Variants in LRRFIP2 observed in about 807,000 individuals in gnomAD.
The protein encoded by LRRFIP2 is leucine-rich repeat flightless-interacting protein 2.
In LRRFIP2, 109 loss-of-function variants were observed where a neutral mutation model predicts 125.9. The observed-to-expected ratio is 0.87, with a 90% CI of 0.74 to 1.01. The LOEUF is 1.01. LRRFIP2 is among the 50% of genes least tolerant of loss of function. The probability of loss-of-function intolerance (pLI) is 0.00; values close to 1 mark genes in which losing one functional copy is unlikely to be tolerated. For missense variants in LRRFIP2, 850 were observed against 862.3 expected (o/e 0.99, Z 0.18); for synonymous variants, 291 against 293.1 (o/e 0.99, Z 0.07).
At chr3:37,137,540 A>G (rs6775008) in intron 2 of LRRFIP2, among the ~76,000 whole-genome samples, 56,747 of 151,996 alleles carry the variant, frequency 0.37, 11,416 homozygotes, top group Non-Finnish European at 0.45. Context: ...TCTATGAAAT[A>G]ATACTATTCT....
rs1015585593 is a variant in LRRFIP2 at position 37,066,290 on chromosome 3, A to G, written c.1500T>C (p.Leu500=). Residue 500 remains leucine, a synonymous_variant, in exon 22 of 28, where the codon CTT becomes CTC. Coordinates refer to ENST00000336686, the MANE Select transcript of LRRFIP2 (RefSeq NM_006309.4). The stretch of plus-strand genomic sequence containing the variant: ...CTCTGAGCATATCTCGCTCATTCCT[A>G]AGGCAGGCAATGTATTCTTTCTGTT... ...LEKQKEYIAC[L]RNERDMLREE... is the part of the protein sequence containing the mutation. 10 of 1,614,160 alleles carry G rather than the reference A, an allele frequency of 6.2e-6. No homozygotes were observed. Among genetic ancestry groups the G allele is most frequent in the Non-Finnish European group, 8.5e-6 (10 of 1,179,984 alleles).
chr3:37,166,005 G>A (rs1467700086), intron 1 of LRRFIP2, among the ~76,000 whole-genome samples: 1 of 152,080 alleles, frequency 6.6e-6, no homozygotes, highest in Non-Finnish European at 1.5e-5. Context: ...ACCAAAAGCA[G>A]AAGCAACAAA....
At chr3:37,155,317 A>G (rs1386676504) in intron 1 of LRRFIP2, among the ~76,000 whole-genome samples, 2 of 152,268 alleles carry the variant, frequency 1.3e-5, no homozygotes, top group Non-Finnish European at 2.9e-5. Context: ...TTGACAAAAA[A>G]AAAGCAATCC....
intron 15 of LRRFIP2, among the ~76,000 whole-genome samples, chr3:37,097,923 A>G (rs918663271): frequency 3.9e-5 from 6 of 152,216 alleles, no homozygotes; most frequent in East Asian, 3.9e-4. Flanking sequence ...CTAAATGAAA[A>G]TAACTCCAAC....
chr3:37,070,138 G>T (rs2090919860), intron 21 of LRRFIP2, among the ~76,000 whole-genome samples: 1 of 142,948 alleles, frequency 7.0e-6, no homozygotes, highest in Non-Finnish European at 1.5e-5. Context: ...TTTTGAAACA[G>T]GGTTTTGGTC....
At chr3:37,156,671 A>C (rs1476118097) in intron 1 of LRRFIP2, among the ~76,000 whole-genome samples, 1 of 99,870 alleles carries the variant, frequency 1.0e-5, no homozygotes, top group East Asian at 2.7e-4. Flanking sequence ...GAGACTCAGT[A>C]TCAAAAAAAA....
chr3:37,087,587 T>G (rs2093140073), intron 18 of LRRFIP2, among the ~76,000 whole-genome samples: 1 of 151,904 alleles, frequency 6.6e-6, no homozygotes, highest in Admixed American at 6.6e-5. Flanking sequence ...TTTACTTAAA[T>G]GCTTCTTTTT....
chr3:37,168,329 G>A (rs1362889162), intron 1 of LRRFIP2, among the ~76,000 whole-genome samples: 1 of 152,108 alleles, frequency 6.6e-6, no homozygotes, highest in Non-Finnish European at 1.5e-5. Context: ...ACATACGAAG[G>A]AATATTTTTC....
chr3:37,108,633 T>A lies in LRRFIP2; in HGVS notation c.657+4A>T. 1.2e-6 allele frequency: 2 copies of A among 1,606,756 alleles called. No individual in the cohort carries two copies. Among genetic ancestry groups the A allele is most frequent in the Non-Finnish European group, 1.7e-6 (2 of 1,174,010 alleles). ...CTTCACCACCTTCCCCTATTTAGAC[T>A]TACAGTTCGAGGACCATAAGGGTTA... On this transcript the variant is annotated splice_donor_region_variant and intron_variant, in intron 12 of 27. Transcript: ENST00000336686.
chr3:37,163,618 G>A (rs2096402095), intron 1 of LRRFIP2, among the ~76,000 whole-genome samples: 1 of 152,212 alleles, frequency 6.6e-6, no homozygotes, highest in African/African-American at 2.4e-5. Context: ...GCAAAGATGT[G>A]AGTGAGAAAT....
chr3:37,130,936 TGAA>T (rs2095412149), intron 2 of LRRFIP2, among the ~76,000 whole-genome samples: 1 of 152,202 alleles, frequency 6.6e-6, no homozygotes. Context: ...CATGAAATTG[TGAA>T]GAAGGAAAAA....
rs375594357 is a variant in LRRFIP2 at position 37,102,965 on chromosome 3, C to T, written c.832G>A (p.Val278Ile). The part of the protein sequence containing the change: ...FSRSNRRGSV[V>I]SEVDDISIPD... ...ATACTGATATCATCCACCTCAGAGA[C>T]AACACTTCCCCTACGATTGGAGCGA... Residue 278 changes from valine (V) to isoleucine (I), a missense_variant, in exon 15 of 28, where the codon GTC becomes ATC. By Grantham distance (29) the Val-to-Ile change is conservative. Transcript: ENST00000336686. 1 of 1,566,116 alleles carries T rather than the reference C, an allele frequency of 6.4e-7. No individual in the cohort carries two copies. The highest frequency in any genetic ancestry group is 1.2e-5 in the South Asian group (1 of 85,146).
At chr3:37,153,912 T>A (rs2096104673) in intron 1 of LRRFIP2, among the ~76,000 whole-genome samples, 1 of 151,312 alleles carries the variant, frequency 6.6e-6, no homozygotes. Context: ...GATAACCTAG[T>A]ACTTTTAAAA....
At chr3:37,088,215 T>C (rs1305162543) in intron 18 of LRRFIP2, among the ~76,000 whole-genome samples, 1 of 152,194 alleles carries the variant, frequency 6.6e-6, no homozygotes, top group Non-Finnish European at 1.5e-5. Context: ...ATACCTTCAT[T>C]GTTTTATTCT....
chr3:37,080,985 T>C (rs2092593111), intron 19 of LRRFIP2, among the ~76,000 whole-genome samples: 2 of 152,136 alleles, frequency 1.3e-5, no homozygotes, highest in Admixed American at 1.3e-4. Flanking sequence ...TGATTATGCT[T>C]TAAAAGAGAA....
chr3:37,119,909 G>C (rs528660778), intron 6 of LRRFIP2, among the ~76,000 whole-genome samples: 1 of 151,978 alleles, frequency 6.6e-6, no homozygotes, highest in Non-Finnish European at 1.5e-5. Context: ...TGATCTGCTC[G>C]CCTCAGTGTC....
At chr3:37,156,108 C>T (rs1446963018) in intron 1 of LRRFIP2, among the ~76,000 whole-genome samples, 3 of 152,026 alleles carry the variant, frequency 2.0e-5, no homozygotes, top group African/African-American at 4.8e-5. Flanking sequence ...CCCCTGGGCT[C>T]GAGCAATCCA....
intron 2 of LRRFIP2, among the ~76,000 whole-genome samples, chr3:37,141,968 A>AT (rs1577361647): frequency 1.3e-5 from 2 of 152,074 alleles, no homozygotes; most frequent in East Asian, 3.9e-4. Flanking sequence ...GTTTGTTTTT[A>AT]TTTTTATCAT....
chr3:37,113,023 G>T (rs187634040), intron 7 of LRRFIP2, 43 bp from the exon 8 acceptor site: 2 of 1,112,270 alleles, frequency 1.8e-6, no homozygotes, highest in Non-Finnish European at 2.7e-6. Context: ...ATTGCATAGC[G>T]AAGTTATGAA....
Sources: gnomAD v4.1 joint callset for allele counts (sites outside exome capture counted in the v4.1 genomes callset) on GRCh38, gnomAD v4.1.1 for gene constraint, MANE v1.5 for transcripts, NCBI Gene and HGNC (gene_info 2026-07-23, HGNC 2026-07-21) for gene names.